ZNF644: variants seen among roughly 807,000 people sequenced by gnomAD.
ZNF644 encodes zinc finger motif enhancer binding protein 2.
A neutral mutation model predicts 108.0 loss-of-function variants in ZNF644; 20 were observed. That is an observed-to-expected ratio of 0.19 (90% CI 0.13 to 0.27). ZNF644 has a LOEUF of 0.27. Ranked by LOEUF, ZNF644 falls within the 10% of genes least tolerant of loss-of-function variation. The probability of loss-of-function intolerance (pLI) is 1.00; values close to 1 mark genes in which losing one functional copy is unlikely to be tolerated. For missense variants in ZNF644, 1,338 were observed against 1,548.9 expected (o/e 0.86, Z 2.29); for synonymous variants, 542 against 539.1 (o/e 1.01, Z -0.08).
intron 2 of ZNF644, among the ~76,000 whole-genome samples, chr1:90,969,478 T>C (rs897302925): frequency 6.6e-6 from 1 of 152,216 alleles, no homozygotes; most frequent in Non-Finnish European, 1.5e-5. Flanking sequence ...TCTGAAAATA[T>C]TAAATCGAAA....
chr1:90,993,845 T>C (rs1410044584), intron 1 of ZNF644, among the ~76,000 whole-genome samples: 1 of 152,220 alleles, frequency 6.6e-6, no homozygotes, highest in Admixed American at 6.5e-5. Context: ...AGGAAATTTT[T>C]CAGGACACTC....
At position 90,939,460 on chromosome 1, in the gene ZNF644, C is replaced by G. The variant is rs748939812; in HGVS notation, c.1894G>C (p.Glu632Gln). Residue 632 changes from glutamate to glutamine, a missense_variant, in exon 3 of 6, where the codon GAA becomes CAA. By Grantham distance (29) the Glu-to-Gln change is conservative (BLOSUM62 2). This residue lies in a region of ZNF644 where 462 missense variants were observed against 472.6 expected (regional missense o/e 0.98). Coordinates refer to ENST00000337393, the MANE Select transcript of ZNF644 (RefSeq NM_201269.3). Reference protein sequence around the residue: ...GLDKRKNDILEEPVDSDSTKT... With the variant: ...GLDKRKNDILQEPVDSDSTKT... ...GTGCTATCACTATCTACAGGTTCTT[C>G]AAGGATGTCATTTTTTCTTTTATCA... The G allele has an allele frequency of 2.5e-6, 4 of 1,613,654 alleles. No individual in the cohort carries two copies. The highest frequency in any genetic ancestry group is 2.5e-6 in the Non-Finnish European group (3 of 1,179,898).
At chr1:90,930,989 A>C (rs1180850608) in intron 4 of ZNF644, among the ~76,000 whole-genome samples, 1 of 152,162 alleles carries the variant, frequency 6.6e-6, no homozygotes. Context: ...AATATGCTTT[A>C]CCTTAATTTT....
At chr1:91,017,117 G>C (rs887731534) in intron 1 of ZNF644, among the ~76,000 whole-genome samples, 2 of 152,212 alleles carry the variant, frequency 1.3e-5, no homozygotes, top group South Asian at 4.1e-4. Context: ...ACAGGTGTGA[G>C]CCTCCACACC....
intron 1 of ZNF644, among the ~76,000 whole-genome samples, chr1:90,982,792 AACACATAAAAGTATAT>A (rs960088941): frequency 4.5e-4 from 69 of 152,244 alleles, no homozygotes; most frequent in African/African-American, 1.6e-3. Flanking sequence ...ATAGTATTGG[AACACATAAAAGTATAT>A]ACACATAAAA....
At chr1:90,942,249 T>C (rs928812071) in intron 2 of ZNF644, among the ~76,000 whole-genome samples, 11 of 152,218 alleles carry the variant, frequency 7.2e-5, no homozygotes, top group African/African-American at 2.7e-4. Context: ...AAAATGTAGA[T>C]AAAACTTTTC....
chr1:90,940,470 A>G lies in ZNF644; in HGVS notation c.884T>C (p.Met295Thr), dbSNP rs747399342. ...IGLEKKRKRK[M>T]DVSKITRYTE... ...ATAACGAGTTATCTTGCTTACATCCATTTTTCGCTTTCTTTTTTTTTCTAG... is the reference window on the plus strand; with the variant it reads ...ATAACGAGTTATCTTGCTTACATCCGTTTTTCGCTTTCTTTTTTTTTCTAG... Residue 295 changes from methionine (M) to threonine (T), a missense_variant, in exon 3 of 6, where the codon ATG (methionine) becomes ACG (threonine). By Grantham distance (81) the Met-to-Thr change is moderately conservative. Coordinates refer to ENST00000337393, the MANE Select transcript of ZNF644 (RefSeq NM_201269.3). 3.2e-5 allele frequency: 52 copies of G among 1,612,766 alleles called. No homozygotes were observed. Among genetic ancestry groups the G allele is most frequent in the South Asian group, 5.5e-5 (5 of 91,036 alleles).
chr1:91,002,794 A>C (rs1366241435), intron 1 of ZNF644, among the ~76,000 whole-genome samples: 1 of 152,240 alleles, frequency 6.6e-6, no homozygotes, highest in African/African-American at 2.4e-5. Context: ...ACAAAGGGCT[A>C]ATATCCAGAA....
At chr1:90,934,624 G>A (rs1442930554) in intron 4 of ZNF644, among the ~76,000 whole-genome samples, 1 of 152,202 alleles carries the variant, frequency 6.6e-6, no homozygotes, top group African/African-American at 2.4e-5. Context: ...GCAGTATTAA[G>A]AGGTATCTGC....
chr1:90,972,215 G>A, intron 2 of ZNF644, among the ~76,000 whole-genome samples: 1 of 152,112 alleles, frequency 6.6e-6, no homozygotes. Flanking sequence ...AATGGAATGG[G>A]AGAAAATATC....
In ZNF644 at chr1:90,966,680, G is replaced by A. The variant is rs532515953; in HGVS notation, c.44+15630C>T. 2.7e-5 allele frequency among the ~76,000 whole-genome samples: 4 copies of A among 150,828 alleles called. No individual in the cohort carries two copies. In the East Asian group the frequency reaches 7.8e-4, roughly 30 times the overall value. ...CAGGAGAATCGCTTGAACCCAGGAG[G>A]TGGAGGTTGTGGTGAACCAAGATTG... On this transcript the variant is annotated intron_variant, in intron 2 of 5. Coordinates refer to ENST00000337393, the MANE Select transcript of ZNF644 (RefSeq NM_201269.3).
At chr1:90,972,745 T>C (rs1334149158) in intron 2 of ZNF644, 1 of 152,198 alleles carries the variant, frequency 6.6e-6, no homozygotes, top group African/African-American at 2.4e-5. Context: ...ATAAACAACA[T>C]GTGTTACATA....
At chr1:90,925,813 A>G (rs944384292) in intron 4 of ZNF644, among the ~76,000 whole-genome samples, 12 of 152,144 alleles carry the variant, frequency 7.9e-5, no homozygotes, top group African/African-American at 2.7e-4. Context: ...TCTCCTAAAA[A>G]CAAACTTACT....
chr1:91,018,474 A>C (rs1660614416), intron 1 of ZNF644, among the ~76,000 whole-genome samples: 1 of 152,262 alleles, frequency 6.6e-6, no homozygotes, highest in Non-Finnish European at 1.5e-5. Flanking sequence ...ATAGTATTAC[A>C]GTATCCACTC....
Position 91,014,969 on chromosome 1 carries a change from T to C in ZNF644, c.-18+7021A>G, listed in dbSNP as rs76670355. Among the ~76,000 whole-genome samples the C allele has an allele frequency of 3.0e-3, 459 of 152,302 alleles. 14 individuals are homozygous for C. The East Asian group carries it at 0.038, about 13-fold the overall frequency. Reference sequence around the variant, plus strand: ...TCCTCACATGTAAAGTGGGAATATATACATCACAGGATTATTAAAAGAATA... The same window carrying C: ...TCCTCACATGTAAAGTGGGAATATACACATCACAGGATTATTAAAAGAATA... On this transcript the variant is annotated intron_variant, in intron 1 of 5. Transcript: ENST00000337393.
At chr1:90,925,411 A>T (rs1372668434) in intron 4 of ZNF644, among the ~76,000 whole-genome samples, 1 of 152,140 alleles carries the variant, frequency 6.6e-6, no homozygotes, top group East Asian at 1.9e-4. Flanking sequence ...TGCTAATCAC[A>T]GTGTATATCC....
rs1649247128 is a variant in ZNF644 at position 90,920,003 on chromosome 1, C to T, written c.3689-1849G>A. Among the ~76,000 whole-genome samples the T allele has an allele frequency of 2.0e-5, 3 of 151,986 alleles. No individual in the cohort carries two copies. In the South Asian group the frequency reaches 6.2e-4, roughly 32 times the overall value. On this transcript the variant is annotated intron_variant, in intron 4 of 5. Transcript: ENST00000337393. ...TCACAACAACTACAAGAGTGAAATA[C>T]CTTATGCTTTGTACCCAGTAGGAAA...
At chr1:90,965,593 AAGG>A (rs1427433928) in intron 2 of ZNF644, among the ~76,000 whole-genome samples, 1 of 152,198 alleles carries the variant, frequency 6.6e-6, no homozygotes, top group African/African-American at 2.4e-5. Flanking sequence ...TCTTATTTAA[AAGG>A]AGGACAAAAA....
intron 2 of ZNF644, among the ~76,000 whole-genome samples, chr1:90,947,769 T>C (rs112204549): frequency 7.9e-4 from 121 of 152,280 alleles, no homozygotes; most frequent in African/African-American, 2.9e-3. Context: ...GAAAACATCA[T>C]GTTGAAAATG....
Sources: gnomAD v4.1 joint callset for allele counts (sites outside exome capture counted in the v4.1 genomes callset) on GRCh38, gnomAD v4.1.1 for gene constraint, gnomAD v4.1.1 regional missense constraint, MANE v1.5 for transcripts, NCBI Gene and HGNC (gene_info 2026-07-23, HGNC 2026-07-21) for gene names.